Variants in VPS13B observed in about 807,000 individuals in gnomAD.
The protein encoded by VPS13B is intermembrane lipid transfer protein VPS13B.
A neutral mutation model predicts 426.4 loss-of-function variants in VPS13B; 285 were observed. The observed-to-expected ratio is 0.67, with a 90% CI of 0.61 to 0.74. VPS13B has a LOEUF of 0.74. VPS13B is among the 30% of genes least tolerant of loss of function. The pLI is 0.00. For synonymous variants in VPS13B, 1,676 were observed against 1,676.4 expected (o/e 1.00, Z 0.01); for missense variants, 4,537 against 4,782.6 (o/e 0.95, Z 1.51).
intron 11 of VPS13B, 69 bp from the exon 12 acceptor site, chr8:99,136,596 C>A (rs1472858877): frequency 3.4e-6 from 5 of 1,458,894 alleles, no homozygotes; most frequent in Non-Finnish European, 4.8e-6. Context: ...TGTGTCTAAC[C>A]TATCAAGCTT....
intron 35 of VPS13B, among the ~76,000 whole-genome samples, chr8:99,682,001 CAAAA>C (rs754378186): frequency 2.6e-5 from 4 of 152,106 alleles, no homozygotes; most frequent in Non-Finnish European, 4.4e-5. Context: ...ATTCACAAAA[CAAAA>C]TAAATCTATA....
chr8:99,568,466 T>A (rs892408116), intron 31 of VPS13B, among the ~76,000 whole-genome samples: 3 of 150,572 alleles, frequency 2.0e-5, no homozygotes, highest in Non-Finnish European at 4.4e-5. Context: ...AACTTTTGTA[T>A]TTTTTGTAGA....
intron 14 of VPS13B, among the ~76,000 whole-genome samples, chr8:99,154,149 GGTTTTTTTT>G (rs1307487892): frequency 1.4e-5 from 2 of 145,224 alleles, no homozygotes; most frequent in African/African-American, 5.3e-5. Flanking sequence ...TCTGTATGTA[GGTTTTTTTT>G]GTTTTTTTTT....
intron 19 of VPS13B, among the ~76,000 whole-genome samples, chr8:99,332,242 G>A (rs1044816304): frequency 1.3e-5 from 2 of 151,524 alleles, no homozygotes; most frequent in Admixed American, 1.3e-4. Flanking sequence ...GGTTTTTTCA[G>A]TATTTGTCTT....
chr8:99,152,901 G>A (rs1811147512), intron 14 of VPS13B, among the ~76,000 whole-genome samples: 1 of 152,152 alleles, frequency 6.6e-6, no homozygotes, highest in Non-Finnish European at 1.5e-5. Context: ...TTTTGGCTGG[G>A]TGTGGTGGCT....
chr8:99,141,831 G>A (rs1438787371), intron 12 of VPS13B, among the ~76,000 whole-genome samples: 1 of 150,814 alleles, frequency 6.6e-6, no homozygotes, highest in Non-Finnish European at 1.5e-5. Context: ...GATCATGAGG[G>A]CAGGAGATTG....
intron 2 of VPS13B, among the ~76,000 whole-genome samples, chr8:99,025,838 T>C (rs1006103349): frequency 6.6e-6 from 1 of 152,204 alleles, no homozygotes; most frequent in African/African-American, 2.4e-5. Context: ...ACTAATTTAT[T>C]GGTGAATACT....
In VPS13B at chr8:99,467,631, C is replaced by T. The variant is rs750806927; in HGVS notation, c.3663C>T (p.Pro1221=). 1 of 1,608,006 alleles carries T rather than the reference C, an allele frequency of 6.2e-7. No individual in the cohort carries two copies. The highest frequency in any genetic ancestry group is 2.2e-5 in the East Asian group (1 of 44,850). The change falls in exon 24 of 62, where the codon CCC becomes CCT. Residue 1221 remains proline (P), a synonymous_variant. Transcript: ENST00000357162. Reference sequence around the variant, plus strand: ...CACTAGAGATAAAATGCTCTAATCCCCAGGTTGGTACATTTGATTTATGAA... The same window carrying T: ...CACTAGAGATAAAATGCTCTAATCCTCAGGTTGGTACATTTGATTTATGAA... ...LESLEIKCSN[P]QVQLFYELTD...
chr8:99,251,358 T>C (rs1178358682), intron 17 of VPS13B, among the ~76,000 whole-genome samples: 3 of 152,222 alleles, frequency 2.0e-5, no homozygotes, highest in Admixed American at 6.5e-5. Context: ...CTTTTTTTTT[T>C]CTTTTAATCC....
At chr8:99,086,042 C>A (rs1845765715) in intron 3 of VPS13B, among the ~76,000 whole-genome samples, 1 of 152,164 alleles carries the variant, frequency 6.6e-6, no homozygotes, top group African/African-American at 2.4e-5. Context: ...TGTATAATAT[C>A]CTGCAGAGTG....
At chr8:99,291,624 T>A (rs1054004444) in intron 19 of VPS13B, among the ~76,000 whole-genome samples, 1 of 152,090 alleles carries the variant, frequency 6.6e-6, no homozygotes. Context: ...ACAAATGATA[T>A]AATTGATTGG....
intron 12 of VPS13B, among the ~76,000 whole-genome samples, chr8:99,140,414 A>G (rs1810348312): frequency 6.6e-6 from 1 of 151,566 alleles, no homozygotes; most frequent in African/African-American, 2.4e-5. Context: ...GTAATAAAGG[A>G]AGCTTCTATT....
intron 23 of VPS13B, among the ~76,000 whole-genome samples, chr8:99,459,568 C>G (rs1399110842): frequency 6.6e-6 from 1 of 152,140 alleles, no homozygotes; most frequent in Non-Finnish European, 1.5e-5. Context: ...CAAACCTGTA[C>G]AGAATGGAAC....
At chr8:99,191,106 A>G (rs1271976825) in intron 16 of VPS13B, among the ~76,000 whole-genome samples, 1 of 151,550 alleles carries the variant, frequency 6.6e-6, no homozygotes, top group African/African-American at 2.4e-5. Flanking sequence ...CATTTCAGTC[A>G]TGGTATTCTG....
rs745939061 is a variant in VPS13B at position 99,589,996 on chromosome 8, T to A, written c.5220+12363T>A. Reference sequence around the variant, plus strand: ...CTTTTTTTGGTTGGTAGGCTATTAATTACTGCCTCAATTTCAGAGCCTGTT... The same window carrying A: ...CTTTTTTTGGTTGGTAGGCTATTAAATACTGCCTCAATTTCAGAGCCTGTT... On this transcript the variant is annotated intron_variant, in intron 33 of 61. Transcript: ENST00000357162. Among the ~76,000 whole-genome samples the A allele has an allele frequency of 5.0e-4, 76 of 152,168 alleles. 1 individual carries two copies. The highest frequency in any genetic ancestry group is 2.1e-4 in the Non-Finnish European group (14 of 68,026).
At chr8:99,273,700 C>A (rs1410967999) in intron 17 of VPS13B, among the ~76,000 whole-genome samples, 2 of 45,534 alleles carry the variant, frequency 4.4e-5, no homozygotes, top group African/African-American at 9.4e-5. Context: ...AGGAGAATTG[C>A]TTGAACCCGG....
intron 17 of VPS13B, among the ~76,000 whole-genome samples, chr8:99,236,368 G>C (rs1205144697): frequency 6.6e-6 from 1 of 151,944 alleles, no homozygotes; most frequent in Non-Finnish European, 1.5e-5. Flanking sequence ...TCCTGACTCA[G>C]TCTCCTGAGT....
chr8:99,681,594 G>A (rs1276748908), intron 35 of VPS13B, among the ~76,000 whole-genome samples: 1 of 152,160 alleles, frequency 6.6e-6, no homozygotes, highest in African/African-American at 2.4e-5. Context: ...TGTGAGTCTA[G>A]GAGTTTGAGT....
chr8:99,096,276 G>T, intron 3 of VPS13B, 36 bp from the exon 4 acceptor site: 1 of 1,611,532 alleles, frequency 6.2e-7, no homozygotes, highest in Non-Finnish European at 8.5e-7. Flanking sequence ...GAGTATGATC[G>T]ATGGTTTTCT....
Sources: allele counts gnomAD v4.1 joint callset (sites outside exome capture counted in the v4.1 genomes callset), GRCh38; gene constraint gnomAD v4.1.1; transcripts MANE v1.5; gene names NCBI Gene and HGNC (gene_info 2026-07-23, HGNC 2026-07-21).